NFIB: variants seen among roughly 807,000 people sequenced by gnomAD.
The protein encoded by NFIB is nuclear factor I B.
In NFIB, 11 loss-of-function variants were observed where a neutral mutation model predicts 61.5. The observed-to-expected ratio is 0.18, with a 90% CI of 0.11 to 0.30. The LOEUF (loss-of-function observed/expected upper bound fraction) is 0.30, where lower values mean the gene tolerates loss of function less well. NFIB is among the 10% of genes least tolerant of loss of function. The pLI is 1.00. For missense variants in NFIB, 471 were observed against 608.9 expected (o/e 0.77, Z 2.38); for synonymous variants, 260 against 216.5 (o/e 1.20, Z -1.76).
the NFIB span, among the ~76,000 whole-genome samples, chr9:14,482,774 G>A: frequency 6.6e-6 from 1 of 152,180 alleles, no homozygotes; most frequent in Non-Finnish European, 1.5e-5. Context: ...AAACCTGTAT[G>A]CCACTTGCTA....
At chr9:14,493,440 T>A in the NFIB span, among the ~76,000 whole-genome samples, 1 of 152,224 alleles carries the variant, frequency 6.6e-6, no homozygotes. Flanking sequence ...AACTCTATCA[T>A]TAGATCTTTT....
the NFIB span, among the ~76,000 whole-genome samples, chr9:14,520,588 A>C: frequency 6.6e-6 from 1 of 152,226 alleles, no homozygotes; most frequent in African/African-American, 2.4e-5. Context: ...GGAGGGGCTG[A>C]AATAATGAAA....
chr9:14,404,995 G>T, the NFIB span, among the ~76,000 whole-genome samples: 1 of 152,188 alleles, frequency 6.6e-6, no homozygotes, highest in Admixed American at 6.5e-5. Context: ...TTCCTGCTGG[G>T]CATACAACTG....
At chr9:14,440,219 G>T in the NFIB span, among the ~76,000 whole-genome samples, 25 of 152,176 alleles carry the variant, frequency 1.6e-4, no homozygotes, top group African/African-American at 5.8e-4. Context: ...GGCCAGCTGT[G>T]TCTTCCTCAT....
the NFIB span, among the ~76,000 whole-genome samples, chr9:14,417,634 T>G: frequency 2.0e-5 from 3 of 152,192 alleles, no homozygotes; most frequent in African/African-American, 7.2e-5. Context: ...TGTTGATGAC[T>G]AACCAGATAG....
At chr9:14,389,304 C>G (rs2061592074) in intron 1 of NFIB, among the ~76,000 whole-genome samples, 1 of 152,034 alleles carries the variant, frequency 6.6e-6, no homozygotes. Flanking sequence ...AGTTGTTGTT[C>G]ATCCCTCCCC....
chr9:14,429,944 T>A, the NFIB span, among the ~76,000 whole-genome samples: 1 of 152,276 alleles, frequency 6.6e-6, no homozygotes, highest in Non-Finnish European at 1.5e-5. Flanking sequence ...ATTCATTGTA[T>A]GACTAATTTA....
chr9:14,187,966 G>C (rs1025098769), intron 2 of NFIB, among the ~76,000 whole-genome samples: 1 of 152,128 alleles, frequency 6.6e-6, no homozygotes, highest in Non-Finnish European at 1.5e-5. Flanking sequence ...ACAATGGGAA[G>C]CTAGGATAAT....
chr9:14,529,599 T>G, the NFIB span, among the ~76,000 whole-genome samples: 2 of 152,194 alleles, frequency 1.3e-5, no homozygotes, highest in Admixed American at 1.3e-4. Flanking sequence ...TCCAATGTAT[T>G]ACTAAAGATA....
At chr9:14,356,532 C>T (rs999586022) in intron 1 of NFIB, among the ~76,000 whole-genome samples, 2 of 152,078 alleles carry the variant, frequency 1.3e-5, no homozygotes, top group African/African-American at 2.4e-5. Context: ...AGGGGCAGTG[C>T]AGCCCCGTGT....
At chr9:14,141,265 G>A (rs535598819) in intron 6 of NFIB, among the ~76,000 whole-genome samples, 39 of 152,228 alleles carry the variant, frequency 2.6e-4, no homozygotes, top group African/African-American at 9.1e-4. Context: ...AACAGAACTG[G>A]AGACTTGTAT....
intron 4 of NFIB, 118 bp downstream of exon 4, chr9:14,155,707 G>A (rs546905385): frequency 1.9e-6 from 1 of 515,556 alleles, no homozygotes; most frequent in Non-Finnish European, 3.3e-6. Flanking sequence ...AAGGTTTTAA[G>A]ATTTTAATTC....
At chr9:14,370,938 T>C (rs1481582796) in intron 1 of NFIB, among the ~76,000 whole-genome samples, 1 of 152,062 alleles carries the variant, frequency 6.6e-6, no homozygotes, top group Non-Finnish European at 1.5e-5. Context: ...CTACAAAAAA[T>C]ACAAAAATTA....
At chr9:14,153,044 T>G (rs74566150) in intron 4 of NFIB, among the ~76,000 whole-genome samples, 2,958 of 152,168 alleles carry the variant, frequency 0.019, 100 homozygotes, top group African/African-American at 0.067. Context: ...ATTCCCAACA[T>G]GAAGAAATGA....
At chr9:14,382,101 C>A (rs2061494748) in intron 1 of NFIB, among the ~76,000 whole-genome samples, 1 of 152,108 alleles carries the variant, frequency 6.6e-6, no homozygotes, top group Admixed American at 6.5e-5. Context: ...ATCTAAGGTC[C>A]CTGAGGGCAG....
At chr9:14,383,913 G>T (rs150740576) in intron 1 of NFIB, among the ~76,000 whole-genome samples, 136 of 152,346 alleles carry the variant, frequency 8.9e-4, no homozygotes, top group African/African-American at 3.0e-3. Context: ...CCATGGAAGA[G>T]CGCTTTAAAT....
At chr9:14,300,407 A>G (rs2059687230) in intron 2 of NFIB, among the ~76,000 whole-genome samples, 1 of 152,224 alleles carries the variant, frequency 6.6e-6, no homozygotes, top group African/African-American at 2.4e-5. Context: ...CATAGCACAT[A>G]CATAGGAAAA....
intron 10 of NFIB, among the ~76,000 whole-genome samples, chr9:14,091,374 TACTC>T (rs773620423): frequency 7.0e-4 from 107 of 152,206 alleles, no homozygotes; most frequent in African/African-American, 1.2e-3. Context: ...ATTGCATACT[TACTC>T]AGGTAAAAAT....
intron 1 of NFIB, among the ~76,000 whole-genome samples, chr9:14,366,965 C>G (rs947072649): frequency 6.6e-6 from 1 of 152,092 alleles, no homozygotes; most frequent in Non-Finnish European, 1.5e-5. Flanking sequence ...TTCTTTGCAT[C>G]AGAATCAACA....
Sources: gnomAD v4.1 joint callset for allele counts (sites outside exome capture counted in the v4.1 genomes callset) on GRCh38, gnomAD v4.1.1 for gene constraint, MANE v1.5 for transcripts, NCBI Gene and HGNC (gene_info 2026-07-23, HGNC 2026-07-21) for gene names.